Variants in ZNF326 observed in about 807,000 individuals in gnomAD.
The protein encoded by ZNF326 is DBIRD complex subunit ZNF326.
In ZNF326, 30 loss-of-function variants were observed where a neutral mutation model predicts 63.1. The observed-to-expected ratio is 0.48, with a 90% CI of 0.36 to 0.64. ZNF326 has a LOEUF of 0.64. Among genes scored for constraint, ZNF326 ranks in the 30% least tolerant of loss-of-function variants. The pLI, the probability that ZNF326 is intolerant of heterozygous loss-of-function variation, is 0.00. For synonymous variants in ZNF326, 194 were observed against 228.2 expected, an observed-to-expected ratio of 0.85 and a Z score of 1.35; for missense variants, 609 against 720.3, an observed-to-expected ratio of 0.85 and a Z score of 1.77.
chr1:90,017,201 A>G, intron 7 of ZNF326, 116 bp from the exon 8 acceptor site: 2 of 765,636 alleles, frequency 2.6e-6, no homozygotes, highest in Non-Finnish European at 3.9e-6. Context: ...TCAGTCATAA[A>G]GAGGAAGAAA....
rs536828781 is a variant in ZNF326 at position 90,007,190 on chromosome 1, A to C, written c.210-155A>C. On this transcript the variant is annotated intron_variant, in intron 4 of 11. Coordinates refer to ENST00000340281, the MANE Select transcript of ZNF326 (RefSeq NM_182976.4). The surrounding 1 kb of genome is among the most constrained non-coding windows in gnomAD (Gnocchi z 4.9). ...TATCTGGTCTCACGTTGAACTGCCC[A>C]GCCCTAATCAAATGTGAACAAAAGT... Among the ~76,000 whole-genome samples, 15 of 152,368 alleles carry C rather than the reference A, an allele frequency of 9.8e-5. No homozygotes were observed. The highest frequency in any genetic ancestry group is 7.8e-4 in the Admixed American group (12 of 15,306).
chr1:90,021,402 AG>A (rs1294616304), intron 10 of ZNF326, among the ~76,000 whole-genome samples: 1 of 151,994 alleles, frequency 6.6e-6, no homozygotes, highest in East Asian at 1.9e-4. Context: ...AAGAAAGTAA[AG>A]ATTTGATTAT....
At chr1:90,008,300 T>C (rs1649085636) in intron 5 of ZNF326, among the ~76,000 whole-genome samples, 1 of 152,212 alleles carries the variant, frequency 6.6e-6, no homozygotes, top group Non-Finnish European at 1.5e-5. Flanking sequence ...TGTACAATGA[T>C]TTGTGGTCAG....
At chr1:90,021,243 G>A (rs1433385163) in intron 10 of ZNF326, among the ~76,000 whole-genome samples, 6 of 151,900 alleles carry the variant, frequency 3.9e-5, no homozygotes, top group East Asian at 1.9e-4. Context: ...TAATTAAAAC[G>A]TATAAGGCAT....
At chr1:89,998,198 A>G (rs1570931567) in intron 2 of ZNF326, 44 bp downstream of exon 2, 7 of 1,595,750 alleles carry the variant, frequency 4.4e-6, no homozygotes, top group South Asian at 3.4e-5. Flanking sequence ...GCATAAAAAT[A>G]TAGTATCAAT....
intron 6 of ZNF326, among the ~76,000 whole-genome samples, chr1:90,012,728 AGT>A (rs1051829450): frequency 6.6e-6 from 1 of 152,178 alleles, no homozygotes; most frequent in African/African-American, 2.4e-5. Flanking sequence ...AGGGCTCTGC[AGT>A]GTTTACTGGA....
chr1:90,014,378 A>G (rs1004021507), intron 7 of ZNF326, among the ~76,000 whole-genome samples: 1 of 152,216 alleles, frequency 6.6e-6, no homozygotes, highest in Non-Finnish European at 1.5e-5. Flanking sequence ...TTAAAAAGTA[A>G]GAAAACTAAG....
chr1:90,004,567 G>A (rs1648862970), intron 2 of ZNF326, among the ~76,000 whole-genome samples: 1 of 152,042 alleles, frequency 6.6e-6, no homozygotes, highest in Admixed American at 6.6e-5. Context: ...AAATAATTCT[G>A]TGGCCAGGTG....
intron 1 of ZNF326, among the ~76,000 whole-genome samples, chr1:89,996,352 A>G (rs1251623108): frequency 6.6e-6 from 1 of 152,226 alleles, no homozygotes; most frequent in Non-Finnish European, 1.5e-5. Context: ...TGATCTCAGC[A>G]TATGTCTTAC....
At chr1:90,004,307 T>A (rs2101057892) in intron 2 of ZNF326, among the ~76,000 whole-genome samples, 1 of 152,326 alleles carries the variant, frequency 6.6e-6, no homozygotes, top group East Asian at 1.9e-4. Flanking sequence ...AATATCTGTT[T>A]CAATTACTGT....
At chr1:90,013,105 C>G (rs773051319) in intron 6 of ZNF326, 21 bp from the exon 7 acceptor site, 55 of 1,587,848 alleles carry the variant, frequency 3.5e-5, no homozygotes, top group Non-Finnish European at 4.2e-5. Flanking sequence ...TTAGCTTTTA[C>G]TTTTTTGTGT....
chr1:90,014,880 T>C (rs1044240413), intron 7 of ZNF326, among the ~76,000 whole-genome samples: 1 of 152,146 alleles, frequency 6.6e-6, no homozygotes, highest in Non-Finnish European at 1.5e-5. Flanking sequence ...TAAAAATCAT[T>C]TTACATTATA....
intron 2 of ZNF326, 52 bp from the exon 3 acceptor site, chr1:90,004,951 C>G: frequency 1.3e-6 from 2 of 1,519,726 alleles, no homozygotes; most frequent in East Asian, 4.5e-5. Flanking sequence ...TGCAAAGATC[C>G]CTGAAGAGAA....
chr1:90,027,614 G>T lies in ZNF326; in HGVS notation c.1662G>T (p.Gly554=). ...VGVVGEVEGV[G]EVEEVEELEE... is the part of the protein sequence containing the mutation. ...TAGTGGGAGAAGTAGAGGGAGTGGG[G>T]GAAGTAGAGGAAGTAGAGGAATTAG... The change falls in exon 12 of 12, where the codon GGG becomes GGT. Residue 554 remains glycine (G), a synonymous_variant. Coordinates refer to ENST00000340281, the MANE Select transcript of ZNF326 (RefSeq NM_182976.4). The T allele has an allele frequency of 1.2e-6, 2 of 1,613,072 alleles. No homozygotes were observed. The highest frequency in any genetic ancestry group is 1.7e-6 in the Non-Finnish European group (2 of 1,179,590).
At chr1:90,013,353 A>G (rs1649345567) in intron 7 of ZNF326, 116 bp downstream of exon 7, 2 of 787,366 alleles carry the variant, frequency 2.5e-6, no homozygotes, top group South Asian at 6.3e-5. Flanking sequence ...GACTTGTTCA[A>G]AGATACAGAG....
rs1211054785 is a variant in ZNF326, at chr1:90,028,342, A to G, written c.*641A>G. ...GCTCACAAGTATTTTAAGATGATTG[A>G]GAAGACTTGAATTAAAGAAAAAAAA... On this transcript the variant is annotated 3_prime_UTR_variant, in exon 12 of 12. Coordinates refer to ENST00000340281, the MANE Select transcript of ZNF326 (RefSeq NM_182976.4). The G allele has an allele frequency of 7.2e-6, 1 of 137,966 alleles. No homozygotes were observed. The highest frequency in any genetic ancestry group is 1.5e-5 in the Non-Finnish European group (1 of 64,746). 8.5% of individuals were successfully genotyped at this position (137,966 alleles called of 1,614,324 possible). A position where few individuals can be genotyped will look rare whatever the true frequency, so the allele number is the denominator to read the frequency against.
Position 90,007,714 on chromosome 1 carries a change from T to C in ZNF326, c.579T>C (p.Phe193=). Residue 193 remains phenylalanine (F), a synonymous_variant, in exon 5 of 12, where the codon TTT becomes TTC. Transcript: ENST00000340281. This position sits in a 1 kb window ranked among gnomAD's most constrained non-coding sequence, Gnocchi z 4.9. The part of the protein sequence containing the change: ...STFGSRNYDA[F]GGPSTGRGRG... ...TTGGAAGCAGAAACTATGATGCTTT[T>C]GGAGGACCATCAACAGGCAGAGGCC... 6.6e-7 allele frequency: 1 copy of C among 1,514,912 alleles called. No homozygotes were observed. Among genetic ancestry groups the C allele is most frequent in the South Asian group, 1.3e-5 (1 of 74,332 alleles). 93.8% of individuals were successfully genotyped at this position (1,514,912 alleles called of 1,614,324 possible).
intron 1 of ZNF326, among the ~76,000 whole-genome samples, chr1:89,996,065 A>G (rs1432573217): frequency 6.6e-6 from 1 of 152,220 alleles, no homozygotes; most frequent in East Asian, 1.9e-4. Context: ...TATTTTAGCA[A>G]TACTTTTCAG....
rs1170701336 is a variant in ZNF326 at position 90,034,142 on chromosome 1, T to C, written c.*6441T>C. The C allele has an allele frequency of 3.3e-5, 5 of 152,170 alleles. No individual in the cohort carries two copies. The highest frequency in any genetic ancestry group is 1.2e-4 in the African/African-American group (5 of 41,448). The allele number at this position is 152,170 out of a possible 1,614,324, so 9.4% of individuals were successfully genotyped here. A position where few individuals can be genotyped will look rare whatever the true frequency, so the allele number is the denominator to read the frequency against. On this transcript the variant is annotated 3_prime_UTR_variant, in exon 12 of 12. Transcript: ENST00000340281. ...ACATTGGTCTCAGACTTGTCATCTGTTCGTTGGAGTGCTACAACATACTGC... is the reference window on the plus strand; with the variant it reads ...ACATTGGTCTCAGACTTGTCATCTGCTCGTTGGAGTGCTACAACATACTGC...
Sources: allele counts gnomAD v4.1 joint callset (sites outside exome capture counted in the v4.1 genomes callset), GRCh38; gene constraint gnomAD v4.1.1; non-coding constraint Gnocchi (gnomAD v3.1); transcripts MANE v1.5; gene names NCBI Gene and HGNC (gene_info 2026-07-23, HGNC 2026-07-21).